Variants in FSTL5 observed in about 807,000 individuals in gnomAD.
The protein encoded by FSTL5 is follistatin-related protein 5.
FSTL5 carries 62 observed loss-of-function variants against 89.1 expected under a neutral mutation model. The ratio of observed to expected loss-of-function variants is 0.70; its 90% CI spans 0.57 to 0.86. The LOEUF (loss-of-function observed/expected upper bound fraction) is 0.86. Among genes scored for constraint, FSTL5 ranks in the 40% least tolerant of loss-of-function variants. The probability of loss-of-function intolerance (pLI) is 0.00; values close to 1 mark genes in which losing one functional copy is unlikely to be tolerated. For missense variants in FSTL5, 1,057 were observed against 1,001.6 expected (o/e 1.06, Z -0.75); for synonymous variants, 383 against 346.2 (o/e 1.11, Z -1.18).
intron 4 of FSTL5, among the ~76,000 whole-genome samples, chr4:161,776,690 T>G (rs574056574): frequency 1.3e-5 from 2 of 151,470 alleles, no homozygotes; most frequent in Admixed American, 6.6e-5. Context: ...TTAAAAAAAT[T>G]TTTAGTTGTT....
chr4:161,600,940 A>G (rs1044124155), intron 7 of FSTL5, among the ~76,000 whole-genome samples: 3 of 152,180 alleles, frequency 2.0e-5, no homozygotes, highest in Non-Finnish European at 4.4e-5. Context: ...CTCAAATCCC[A>G]GGAACCCTGG....
chr4:161,708,586 A>T (rs1358795146), intron 6 of FSTL5, among the ~76,000 whole-genome samples: 1 of 152,054 alleles, frequency 6.6e-6, no homozygotes, highest in Non-Finnish European at 1.5e-5. Context: ...ACTTATGCTA[A>T]ATTAAAGTCA....
At chr4:161,764,363 A>G (rs375438055) in intron 5 of FSTL5, among the ~76,000 whole-genome samples, 1 of 152,068 alleles carries the variant, frequency 6.6e-6, no homozygotes, top group African/African-American at 2.4e-5. Flanking sequence ...GGTTCAAGCA[A>G]TTCTCCTGCC....
intron 6 of FSTL5, among the ~76,000 whole-genome samples, chr4:161,703,660 T>A (rs1394262569): frequency 1.3e-5 from 2 of 152,152 alleles, no homozygotes; most frequent in Non-Finnish European, 2.9e-5. Flanking sequence ...TGAAATTGAT[T>A]CTGAAAATCT....
intron 15 of FSTL5, among the ~76,000 whole-genome samples, chr4:161,426,973 GC>G (rs538951854): frequency 2.0e-3 from 305 of 152,160 alleles, no homozygotes; most frequent in Non-Finnish European, 3.6e-3. Context: ...CAATTGTTGA[GC>G]TTAAAATGTA....
intron 15 of FSTL5, among the ~76,000 whole-genome samples, chr4:161,400,637 T>C (rs1174295455): frequency 1.3e-5 from 2 of 152,026 alleles, no homozygotes; most frequent in Non-Finnish European, 2.9e-5. Flanking sequence ...TATAAGTAAA[T>C]AGTATAAGAA....
At chr4:162,096,135 G>A (rs958306595) in intron 2 of FSTL5, among the ~76,000 whole-genome samples, 6 of 151,688 alleles carry the variant, frequency 4.0e-5, no homozygotes, top group Admixed American at 2.0e-4. Context: ...ATGCAATAAC[G>A]CTTCCAAATA....
At chr4:161,861,391 C>G (rs1429598130) in intron 4 of FSTL5, among the ~76,000 whole-genome samples, 1 of 151,712 alleles carries the variant, frequency 6.6e-6, no homozygotes, top group Non-Finnish European at 1.5e-5. Context: ...CACTGCACTC[C>G]AGCCTGGGAG....
chr4:162,141,003 G>T (rs1408370769), intron 1 of FSTL5, among the ~76,000 whole-genome samples: 1 of 151,186 alleles, frequency 6.6e-6, no homozygotes, highest in Non-Finnish European at 1.5e-5. Flanking sequence ...TCTTAAGAAT[G>T]GCCATTCAAA....
At chr4:161,598,756 T>A (rs1440770508) in intron 7 of FSTL5, among the ~76,000 whole-genome samples, 1 of 152,108 alleles carries the variant, frequency 6.6e-6, no homozygotes, top group Non-Finnish European at 1.5e-5. Context: ...CATACAGGGC[T>A]GAAGCAACTA....
chr4:161,788,619 C>T (rs1222553762), intron 4 of FSTL5, among the ~76,000 whole-genome samples: 3 of 152,190 alleles, frequency 2.0e-5, no homozygotes, highest in Admixed American at 6.6e-5. Flanking sequence ...GGCATCACTG[C>T]TCATGCCTAT....
At chr4:161,598,069 A>G (rs890438787) in intron 7 of FSTL5, among the ~76,000 whole-genome samples, 1 of 152,128 alleles carries the variant, frequency 6.6e-6, no homozygotes, top group East Asian at 1.9e-4. Context: ...CACAATTTCA[A>G]TTAATAAAAA....
chr4:161,995,663 T>G (rs1736270757), intron 3 of FSTL5, among the ~76,000 whole-genome samples: 1 of 151,146 alleles, frequency 6.6e-6, no homozygotes, highest in African/African-American at 2.4e-5. Flanking sequence ...TACATTATGA[T>G]ATGGGTCACT....
At chr4:161,411,488 T>C (rs1165200520) in intron 15 of FSTL5, among the ~76,000 whole-genome samples, 1 of 152,084 alleles carries the variant, frequency 6.6e-6, no homozygotes, top group Non-Finnish European at 1.5e-5. Context: ...GTTAATACAC[T>C]ATGATCAAGT....
intron 10 of FSTL5, among the ~76,000 whole-genome samples, chr4:161,522,488 A>C: frequency 6.6e-6 from 1 of 152,014 alleles, no homozygotes; most frequent in Non-Finnish European, 1.5e-5. Flanking sequence ...TAAAATATAT[A>C]CATATTTACT....
chr4:162,029,040 C>T (rs111599190), intron 3 of FSTL5, among the ~76,000 whole-genome samples: 2 of 151,716 alleles, frequency 1.3e-5, no homozygotes, highest in African/African-American at 4.8e-5. Context: ...ATACATTAGG[C>T]GATTTTCAGT....
chr4:161,815,967 T>G (rs1436549381), intron 4 of FSTL5, among the ~76,000 whole-genome samples: 1 of 152,216 alleles, frequency 6.6e-6, no homozygotes, highest in African/African-American at 2.4e-5. Context: ...TACAGTGTCT[T>G]GAAAGCAGAT....
Position 161,999,415 on chromosome 4 carries a change from G to C in FSTL5, c.160+34210C>G, listed in dbSNP as rs960997832. 2.6e-5 allele frequency among the ~76,000 whole-genome samples: 4 copies of C among 152,028 alleles called. No individual in the cohort carries two copies. In the South Asian group the frequency reaches 6.2e-4, roughly 24 times the overall value. On this transcript the variant is annotated intron_variant, in intron 3 of 15. Coordinates refer to ENST00000306100, the MANE Select transcript of FSTL5 (RefSeq NM_020116.5). ...AATTTGTAAATTTGTATTGTAAGTT[G>C]AAACTGGAATGTTACTTTAAACCAA...
chr4:162,159,687 G>A (rs1288781575), intron 1 of FSTL5, among the ~76,000 whole-genome samples: 2 of 151,954 alleles, frequency 1.3e-5, no homozygotes, highest in Non-Finnish European at 2.9e-5. Context: ...CTGAAGATTT[G>A]TAGGAAGTAA....
Sources: allele counts gnomAD v4.1 joint callset (sites outside exome capture counted in the v4.1 genomes callset), GRCh38; gene constraint gnomAD v4.1.1; transcripts MANE v1.5; gene names NCBI Gene and HGNC (gene_info 2026-07-23, HGNC 2026-07-21).